ITGB4: variants seen among roughly 807,000 people sequenced by gnomAD.
The protein encoded by ITGB4 is integrin beta-4.
In ITGB4, 159 loss-of-function variants were observed where a neutral mutation model predicts 207.6. That is an observed-to-expected ratio of 0.77 (90% CI 0.67 to 0.87). ITGB4 has a LOEUF of 0.87. ITGB4 is among the 40% of genes least tolerant of loss of function. The pLI is 0.00. For missense variants in ITGB4, 2,278 were observed against 2,546.8 expected (o/e 0.89, Z 2.27); for synonymous variants, 1,020 against 1,062.7 (o/e 0.96, Z 0.78).
rs753293175 is a variant in ITGB4, at chr17:75,757,242, A to G, written c.5261A>G (p.His1754Arg). 8.7e-6 allele frequency: 14 copies of G among 1,611,588 alleles called. No homozygotes were observed. The highest frequency in any genetic ancestry group is 1.2e-5 in the Non-Finnish European group (14 of 1,179,912). ...QLGSRAGLFQ[H>R]PLQSEYSSIT... Reference sequence around the variant, plus strand: ...GGCAGCCGTGCCGGGCTCTTCCAGCACCCGCTGCAAAGCGAGTACAGCAGC... The same window carrying G: ...GGCAGCCGTGCCGGGCTCTTCCAGCGCCCGCTGCAAAGCGAGTACAGCAGC... Residue 1754 changes from histidine to arginine, a missense_variant, in exon 39 of 40, where the codon CAC becomes CGC. His to Arg is a conservative substitution (Grantham distance 29, BLOSUM62 0). Transcript: ENST00000200181.
rs938201450 is a variant in ITGB4 at position 75,740,337 on chromosome 17, C to A, written c.2447-21C>A. On this transcript the variant is annotated intron_variant, in intron 20 of 39. Transcript: ENST00000200181. The surrounding 1 kb of genome is among the most constrained non-coding windows in gnomAD (Gnocchi z 5.9). ...GGGGCTGACCACCTCCATCTCACCC[C>A]CTCCCACCGCCTTTCCTTAGTGCCC... 4 of 1,601,530 alleles carry A rather than the reference C, an allele frequency of 2.5e-6. No homozygotes were observed. The highest frequency in any genetic ancestry group is 3.4e-6 in the Non-Finnish European group (4 of 1,171,712).
In ITGB4 at chr17:75,740,328, A is replaced by C; in HGVS notation, c.2447-30A>C. ...GTCATGCAGGGGGCTGACCACCTCC[A>C]TCTCACCCCCTCCCACCGCCTTTCC... On this transcript the variant is annotated intron_variant, in intron 20 of 39. Transcript: ENST00000200181. This position sits in a 1 kb window ranked among gnomAD's most constrained non-coding sequence, Gnocchi z 5.9. 1 of 1,572,732 alleles carries C rather than the reference A, an allele frequency of 6.4e-7. No individual in the cohort carries two copies. The highest frequency in any genetic ancestry group is 8.7e-7 in the Non-Finnish European group (1 of 1,147,310).
intron 13 of ITGB4, among the ~76,000 whole-genome samples, chr17:75,734,132 T>G (rs537498818): frequency 1.4e-4 from 20 of 138,330 alleles, no homozygotes; most frequent in Non-Finnish European, 1.1e-4. Flanking sequence ...CTGCTGTTTT[T>G]TTTTTTTTTT....
Position 75,752,547 on chromosome 17 carries a change from A to G in ITGB4, c.4078A>G (p.Ser1360Gly). The change falls in exon 32 of 40, where the codon AGC becomes GGC. Residue 1360 changes from serine to glycine, a missense_variant. Transcript: ENST00000200181. Reference sequence around the variant, plus strand: ...TGACGTTCTACGCTCTCCATCGGGCAGCCAGAGGCCCAGCGTCTCCGATGA... The same window carrying G: ...TGACGTTCTACGCTCTCCATCGGGCGGCCAGAGGCCCAGCGTCTCCGATGA... ...SDDVLRSPSG[S>G]QRPSVSDDTG... 1 of 1,613,624 alleles carries G rather than the reference A, an allele frequency of 6.2e-7. No homozygotes were observed. Among genetic ancestry groups the G allele is most frequent in the Non-Finnish European group, 8.5e-7 (1 of 1,180,016 alleles).
chr17:75,736,696 T>C lies in ITGB4; in HGVS notation c.1990+2T>C. ...AGATGGTGGACGAGCTTAAGAGAGG[T>C]AGGGGCAGGGGCTGAGGGTTGGGGT... On this transcript the variant is annotated splice_donor_variant, in intron 16 of 39. Transcript: ENST00000200181. LOFTEE classifies it high-confidence loss of function. The C allele has an allele frequency of 6.3e-7, 1 of 1,592,278 alleles. No homozygotes were observed. Among genetic ancestry groups the C allele is most frequent in the Non-Finnish European group, 8.5e-7 (1 of 1,170,936 alleles).
At chr17:75,754,871 C>G in intron 34 of ITGB4, 56 bp downstream of exon 34, 1 of 1,611,570 alleles carries the variant, frequency 6.2e-7, no homozygotes, top group Non-Finnish European at 8.5e-7. Context: ...TCTTCCAGCT[C>G]CTGGAGCCTC....
At position 75,732,097 on chromosome 17, in the gene ITGB4, C is replaced by T. The variant is rs2060874345; in HGVS notation, c.1378-66C>T. The T allele has an allele frequency of 1.2e-5, 20 of 1,605,378 alleles. No homozygotes were observed. Among genetic ancestry groups the T allele is most frequent in the Admixed American group, 5.0e-5 (3 of 59,990 alleles). On this transcript the variant is annotated intron_variant, in intron 11 of 39. Transcript: ENST00000200181. The surrounding 1 kb of genome is among the most constrained non-coding windows in gnomAD (Gnocchi z 5.3). Reference sequence around the variant, plus strand: ...GGGTTTCCCGAGGCACACAGGAGAGCGGAAGTGTCCAGTGGCCCCGGTCCT... The same window carrying T: ...GGGTTTCCCGAGGCACACAGGAGAGTGGAAGTGTCCAGTGGCCCCGGTCCT...
At position 75,732,328 on chromosome 17, in the gene ITGB4, C is replaced by T. The variant is rs1599236275; in HGVS notation, c.1454+89C>T. ...CTGCAGGGGCCTGGCCCTGGGTGCA[C>T]CTTGTACACCTGGCTGGGGGTGGGG... On this transcript the variant is annotated intron_variant, in intron 12 of 39. Coordinates refer to ENST00000200181, the MANE Select transcript of ITGB4 (RefSeq NM_000213.5). This position sits in a 1 kb window ranked among gnomAD's most constrained non-coding sequence, Gnocchi z 5.3. The T allele has an allele frequency of 1.6e-6, 2 of 1,248,516 alleles. No homozygotes were observed. Among genetic ancestry groups the T allele is most frequent in the East Asian group, 4.6e-5 (2 of 43,042 alleles). 77.3% of individuals were successfully genotyped at this position (1,248,516 alleles called of 1,614,324 possible). A position where few individuals can be genotyped will look rare whatever the true frequency, so the allele number is the denominator to read the frequency against.
At position 75,729,551 on chromosome 17, in the gene ITGB4, C is replaced by A; in HGVS notation, c.738+115C>A. On this transcript the variant is annotated intron_variant, in intron 7 of 39. Coordinates refer to ENST00000200181, the MANE Select transcript of ITGB4 (RefSeq NM_000213.5). This position sits in a 1 kb window ranked among gnomAD's most constrained non-coding sequence, Gnocchi z 4.4. ...CAGGCTCACAGGCCCTGAGGGAAAG[C>A]CTGGGAGCCTGCAACCCCTTCACCC... 3 of 1,087,594 alleles carry A rather than the reference C, an allele frequency of 2.8e-6. No homozygotes were observed. The highest frequency in any genetic ancestry group is 2.6e-6 in the Non-Finnish European group (2 of 777,820). The allele number at this position is 1,087,594 out of a possible 1,614,324, so 67.4% of individuals were successfully genotyped here.
In ITGB4 at chr17:75,757,650, G is replaced by A. The variant is rs1183260235; in HGVS notation, c.*95G>A. ...GCTACTCCATCCTTGCACCCCTGGGGGCCCAGCCCACCCGCATGCACAGAG... is the reference window on the plus strand; with the variant it reads ...GCTACTCCATCCTTGCACCCCTGGGAGCCCAGCCCACCCGCATGCACAGAG... On this transcript the variant is annotated 3_prime_UTR_variant, in exon 40 of 40. Coordinates refer to ENST00000200181, the MANE Select transcript of ITGB4 (RefSeq NM_000213.5). 1.9e-6 allele frequency: 3 copies of A among 1,545,848 alleles called. No homozygotes were observed. Among genetic ancestry groups the A allele is most frequent in the East Asian group, 2.2e-5 (1 of 44,548 alleles).
chr17:75,725,783 C>T (rs2060706048), intron 2 of ITGB4, among the ~76,000 whole-genome samples: 1 of 152,224 alleles, frequency 6.6e-6, no homozygotes, highest in South Asian at 2.1e-4. Flanking sequence ...CCACTGTGTG[C>T]CAGGTGTGCC....
intron 32 of ITGB4, 92 bp from the exon 33 acceptor site, chr17:75,753,673 T>C: frequency 1.2e-6 from 1 of 829,908 alleles, no homozygotes; most frequent in Non-Finnish European, 1.6e-6. Context: ...GGAGACGGGC[T>C]CCCCTCGCAG....
Position 75,740,336 on chromosome 17 carries a change from C to G in ITGB4, c.2447-22C>G, listed in dbSNP as rs2061078334. The stretch of plus-strand genomic sequence containing the variant: ...GGGGGCTGACCACCTCCATCTCACC[C>G]CCTCCCACCGCCTTTCCTTAGTGCC... On this transcript the variant is annotated intron_variant, in intron 20 of 39. Transcript: ENST00000200181. This position sits in a 1 kb window ranked among gnomAD's most constrained non-coding sequence, Gnocchi z 5.9. The G allele has an allele frequency of 8.1e-6, 13 of 1,599,834 alleles. No individual in the cohort carries two copies. The highest frequency in any genetic ancestry group is 1.0e-5 in the Non-Finnish European group (12 of 1,170,270).
rs745880453 is a variant in ITGB4, at chr17:75,741,023, G to C, written c.2633+18G>C. On this transcript the variant is annotated intron_variant, in intron 23 of 39. Transcript: ENST00000200181. Reference sequence around the variant, plus strand: ...GGGAAAAAGTGAGTAGAAGACTCGTGGGTGAGAGGGCCCCCACTTCCTGCC... The same window carrying C: ...GGGAAAAAGTGAGTAGAAGACTCGTCGGTGAGAGGGCCCCCACTTCCTGCC... 2 of 1,611,334 alleles carry C rather than the reference G, an allele frequency of 1.2e-6. No individual in the cohort carries two copies. The highest frequency in any genetic ancestry group is 3.3e-5 in the Admixed American group (2 of 59,970).
At chr17:75,738,484 A>G (rs2061032636) in intron 18 of ITGB4, among the ~76,000 whole-genome samples, 1 of 152,172 alleles carries the variant, frequency 6.6e-6, no homozygotes, top group Non-Finnish European at 1.5e-5. Flanking sequence ...CAGGTGATAA[A>G]TGCACAGTCC....
rs780239818 is a variant in ITGB4 at position 75,722,074 on chromosome 17, C to G, written c.-11+462C>G. On this transcript the variant is annotated intron_variant, in intron 1 of 39. Transcript: ENST00000200181. The surrounding 1 kb of genome is among the most constrained non-coding windows in gnomAD (Gnocchi z 6.2). Reference sequence around the variant, plus strand: ...AGCCACCCTGAGAGGCAGACGCCATCCCGGCTCCAGGCAGGGCTTGCTCTA... The same window carrying G: ...AGCCACCCTGAGAGGCAGACGCCATGCCGGCTCCAGGCAGGGCTTGCTCTA... 4.6e-5 allele frequency among the ~76,000 whole-genome samples: 7 copies of G among 152,234 alleles called. No homozygotes were observed. Among genetic ancestry groups the G allele is most frequent in the Non-Finnish European group, 1.0e-4 (7 of 68,024 alleles).
Position 75,736,319 on chromosome 17 carries a change from G to A in ITGB4, c.1793G>A (p.Cys598Tyr), listed in dbSNP as rs1300514024. The change falls in exon 15 of 40, where the codon TGT becomes TAT. Residue 598 changes from cysteine to tyrosine, a missense_variant. Physicochemically the swap from Cys to Tyr is radical, Grantham distance 194 (BLOSUM62 -2). Coordinates refer to ENST00000200181, the MANE Select transcript of ITGB4 (RefSeq NM_000213.5). ...GICNGRGHCE[C>Y]GRCHCHQQSL... ...TGTAATGGACGTGGCCACTGTGAGT[G>A]TGGCCGCTGCCACTGCCACCAGCAG... The A allele has an allele frequency of 6.2e-7, 1 of 1,613,952 alleles. No individual in the cohort carries two copies. The highest frequency in any genetic ancestry group is 1.7e-5 in the Admixed American group (1 of 60,028).
In ITGB4 at chr17:75,736,345, T is replaced by C; in HGVS notation, c.1819T>C (p.Ser607Pro). Residue 607 changes from serine to proline, a missense_variant, in exon 15 of 40, where the codon TCG becomes CCG. By Grantham distance (74) the Ser-to-Pro change is moderately conservative. Transcript: ENST00000200181. ...TGGCCGCTGCCACTGCCACCAGCAG[T>C]CGCTCTACACGGACACCATCTGCGA... ...ECGRCHCHQQ[S>P]LYTDTICEIN... 6.2e-7 allele frequency: 1 copy of C among 1,612,602 alleles called. No homozygotes were observed. The highest frequency in any genetic ancestry group is 8.5e-7 in the Non-Finnish European group (1 of 1,179,432).
rs369151880 is a variant in ITGB4 at position 75,750,813 on chromosome 17, G to A, written c.3608G>A (p.Gly1203Asp). Residue 1203 changes from glycine to aspartate, a missense_variant, in exon 29 of 40, where the codon GGC becomes GAC. Transcript: ENST00000200181. This position sits in a 1 kb window ranked among gnomAD's most constrained non-coding sequence, Gnocchi z 5.5. ...EMKVCAYGAQ[G>D]EGPYSSLVSC... Reference sequence around the variant, plus strand: ...AAGGTGTGCGCCTACGGGGCTCAGGGCGAGGGACCCTACAGCTCCCTGGTG... The same window carrying A: ...AAGGTGTGCGCCTACGGGGCTCAGGACGAGGGACCCTACAGCTCCCTGGTG... 5 of 1,613,334 alleles carry A rather than the reference G, an allele frequency of 3.1e-6. No individual in the cohort carries two copies. Among genetic ancestry groups the A allele is most frequent in the Non-Finnish European group, 4.2e-6 (5 of 1,180,016 alleles).
Sources: allele counts gnomAD v4.1 joint callset (sites outside exome capture counted in the v4.1 genomes callset), GRCh38; gene constraint gnomAD v4.1.1; non-coding constraint Gnocchi (gnomAD v3.1); transcripts MANE v1.5; gene names NCBI Gene and HGNC (gene_info 2026-07-23, HGNC 2026-07-21).